The following AKAP9 variants were observed in gnomAD, a reference collection of about 807,000 sequenced individuals.
The protein encoded by AKAP9 is A-kinase anchor protein 9.
In AKAP9, 311 loss-of-function variants were observed where a neutral mutation model predicts 488.5. The ratio of observed to expected loss-of-function variants is 0.64; its 90% CI spans 0.58 to 0.70. The LOEUF is 0.70. Ranked by LOEUF, AKAP9 falls within the 30% of genes least tolerant of loss-of-function variation. AKAP9 has a pLI of 0.00. For missense variants in AKAP9, 4,215 were observed against 4,374.5 expected, an observed-to-expected ratio of 0.96 and a Z score of 1.03; for synonymous variants, 1,462 against 1,483.5, an observed-to-expected ratio of 0.99 and a Z score of 0.33.
chr7:91,970,738 T>G (rs1427820715), intron 1 of AKAP9, among the ~76,000 whole-genome samples: 2 of 152,226 alleles, frequency 1.3e-5, no homozygotes, highest in African/African-American at 4.8e-5. Flanking sequence ...AGCTCTTTTA[T>G]ACATTGTTTG....
intron 1 of AKAP9, among the ~76,000 whole-genome samples, chr7:91,952,422 T>G (rs909613857): frequency 2.6e-4 from 40 of 152,242 alleles, no homozygotes; most frequent in African/African-American, 9.6e-4. Flanking sequence ...ACACAATGGG[T>G]AATATAATTC....
At chr7:92,031,950 G>A (rs1214187817) in intron 16 of AKAP9, among the ~76,000 whole-genome samples, 3 of 152,192 alleles carry the variant, frequency 2.0e-5, no homozygotes, top group African/African-American at 4.8e-5. Flanking sequence ...TATATTATCT[G>A]TATCTATTTC....
intron 12 of AKAP9, among the ~76,000 whole-genome samples, chr7:92,019,662 A>G (rs996828670): frequency 1.3e-5 from 2 of 150,734 alleles, no homozygotes; most frequent in African/African-American, 2.4e-5. Context: ...TAATATATAC[A>G]TATGCATATA....
intron 1 of AKAP9, among the ~76,000 whole-genome samples, chr7:91,951,124 G>A (rs897086961): frequency 1.3e-5 from 2 of 151,712 alleles, no homozygotes; most frequent in African/African-American, 4.8e-5. Flanking sequence ...TGAGAAGAAT[G>A]CGTAATTTTT....
chr7:92,072,062 GAGTAA>G (rs1416149991), intron 28 of AKAP9, among the ~76,000 whole-genome samples: 1 of 152,124 alleles, frequency 6.6e-6, no homozygotes, highest in African/African-American at 2.4e-5. Context: ...CCCTTAAACT[GAGTAA>G]AGTAATTTAT....
At chr7:92,095,347 G>A (rs1816382753) in intron 40 of AKAP9, among the ~76,000 whole-genome samples, 174 bp downstream of exon 40, 2 of 152,198 alleles carry the variant, frequency 1.3e-5, no homozygotes, top group Admixed American at 1.3e-4. Flanking sequence ...TAATGGAGTG[G>A]TGATTGGTTT....
Position 92,038,545 on chromosome 7 carries a change from A to G in AKAP9, c.4465A>G (p.Asn1489Asp), listed in dbSNP as rs1404750488. Residue 1489 changes from asparagine to aspartate, a missense_variant, in exon 17 of 50, where the codon AAT (asparagine) becomes GAT (aspartate). This residue lies in a region of AKAP9 where 2,361 missense variants were observed against 2,430.0 expected (regional missense o/e 0.97). Transcript: ENST00000356239. ...AVCQQEQHYF[N>D]EMKLSQDQIG... ...GTGTCAGCAAGAACAACATTATTTT[A>G]ATGAAATGAAATTATCACAGGATCA... 5 of 1,613,898 alleles carry G rather than the reference A, an allele frequency of 3.1e-6. No individual in the cohort carries two copies. The South Asian group carries it at 5.5e-5, about 18-fold the overall frequency.
intron 12 of AKAP9, among the ~76,000 whole-genome samples, 188 bp downstream of exon 12, chr7:92,017,290 A>G (rs1335027476): frequency 1.3e-5 from 2 of 152,138 alleles, no homozygotes; most frequent in Admixed American, 6.6e-5. Context: ...AAGTCGAATA[A>G]TAACCCCTTT....
rs771355305 is a variant in AKAP9, at chr7:92,012,636, G to A, written c.3526G>A (p.Glu1176Lys). Residue 1176 changes from glutamate (E) to lysine (K), a missense_variant, in exon 9 of 50, where the codon GAA becomes AAA. Physicochemically the swap from Glu to Lys is moderately conservative, Grantham distance 56. Coordinates refer to ENST00000356239, the MANE Select transcript of AKAP9 (RefSeq NM_005751.5). ...AGAACTACAGACTATGAAAACACAA[G>A]AAACAGGTAAAATGGTTTCTGACTT... ...QLELQTMKTQETGDEGKPLHL... is the reference protein window; with the variant it reads ...QLELQTMKTQKTGDEGKPLHL... The A allele has an allele frequency of 6.2e-7, 1 of 1,606,192 alleles. No individual in the cohort carries two copies.
intron 7 of AKAP9, among the ~76,000 whole-genome samples, chr7:91,999,027 A>C (rs1272026115): frequency 2.6e-5 from 4 of 152,132 alleles, no homozygotes; most frequent in Non-Finnish European, 5.9e-5. Context: ...ATTGGGTGGG[A>C]TATGTGATAC....
chr7:92,083,028 G>A (rs893778399), intron 32 of AKAP9, 142 bp from the exon 33 acceptor site: 21 of 921,414 alleles, frequency 2.3e-5, no homozygotes, highest in East Asian at 1.0e-4. Context: ...AACTGTGAGC[G>A]TTTCTGAAAT....
chr7:92,012,594 C>T lies in AKAP9; in HGVS notation c.3484C>T (p.Gln1162Ter), dbSNP rs747726035. ...FAQEEKIKEL[Q>*]KIHQLELQTM... Reference sequence around the variant, plus strand: ...TCAAGAGGAAAAGATCAAGGAACTTCAGAAAATACACCAGTTAGAACTACA... The same window carrying T: ...TCAAGAGGAAAAGATCAAGGAACTTTAGAAAATACACCAGTTAGAACTACA... Residue 1162 changes from glutamine to a stop codon, truncating the protein, a stop_gained, in exon 9 of 50, where the codon CAG becomes TAG. Coordinates refer to ENST00000356239, the MANE Select transcript of AKAP9 (RefSeq NM_005751.5). LOFTEE classifies it high-confidence loss of function. The T allele has an allele frequency of 6.2e-7, 1 of 1,613,520 alleles. No homozygotes were observed. Among genetic ancestry groups the T allele is most frequent in the Non-Finnish European group, 8.5e-7 (1 of 1,179,704 alleles).
At chr7:91,960,679 C>T (rs768948745) in intron 1 of AKAP9, among the ~76,000 whole-genome samples, 1 of 152,162 alleles carries the variant, frequency 6.6e-6, no homozygotes, top group East Asian at 1.9e-4. Context: ...GTTTTTCCCA[C>T]CTGTATTACA....
intron 46 of AKAP9, among the ~76,000 whole-genome samples, chr7:92,105,067 T>A (rs1818307478): frequency 6.6e-6 from 1 of 152,144 alleles, no homozygotes; most frequent in Non-Finnish European, 1.5e-5. Context: ...TTGACCCTCC[T>A]AAGATGGAGC....
intron 49 of AKAP9, among the ~76,000 whole-genome samples, chr7:92,109,745 G>A (rs1207577391): frequency 2.6e-5 from 4 of 152,164 alleles, no homozygotes; most frequent in African/African-American, 9.7e-5. Flanking sequence ...AGACCAACCA[G>A]TTCGAGACTA....
intron 17 of AKAP9, 28 bp from the exon 18 acceptor site, chr7:92,040,644 TTG>T (rs1563032348): frequency 4.1e-5 from 56 of 1,373,568 alleles, no homozygotes; most frequent in East Asian, 5.0e-5. Flanking sequence ...TATGGTTGAA[TTG>T]TTTTTTTTTT....
intron 16 of AKAP9, among the ~76,000 whole-genome samples, chr7:92,037,641 G>T (rs1805410539): frequency 6.6e-6 from 1 of 152,178 alleles, no homozygotes; most frequent in African/African-American, 2.4e-5. Flanking sequence ...GCTAGAATAA[G>T]CAGGGATTCA....
Position 92,086,416 on chromosome 7 carries a change from G to T in AKAP9, c.9213G>T (p.Gln3071His). 6.2e-7 allele frequency: 1 copy of T among 1,610,384 alleles called. No individual in the cohort carries two copies. The change falls in exon 37 of 50, where the codon CAG becomes CAT. Residue 3071 changes from glutamine (Q) to histidine (H), a missense_variant and splice_region_variant. Physicochemically the swap from Gln to His is conservative, Grantham distance 24. Transcript: ENST00000356239. Reference protein sequence around the residue: ...LNCLEQRIQEQGVEYQAAMEC... With the variant: ...LNCLEQRIQEHGVEYQAAMEC... Reference sequence around the variant, plus strand: ...GTTTGGAACAGAGAATACAAGAACAGGTATAATGAAACTTCATTTTAAAAA... The same window carrying T: ...GTTTGGAACAGAGAATACAAGAACATGTATAATGAAACTTCATTTTAAAAA...
chr7:92,002,881 A>G lies in AKAP9; in HGVS notation c.2964A>G (p.Glu988=), dbSNP rs886062470. Reference sequence around the variant, plus strand: ...TTAAATCTTTAAAGCAAGAGAAAGAACAAGTTTCATTGAGATGTAGAGAGC... The same window carrying G: ...TTAAATCTTTAAAGCAAGAGAAAGAGCAAGTTTCATTGAGATGTAGAGAGC... The part of the protein sequence containing the change: ...EEVKSLKQEK[E]QVSLRCRELE... The change falls in exon 8 of 50, where the codon GAA becomes GAG. Residue 988 remains glutamate (E), a synonymous_variant. Coordinates refer to ENST00000356239, the MANE Select transcript of AKAP9 (RefSeq NM_005751.5). The G allele has an allele frequency of 1.9e-6, 3 of 1,612,842 alleles. No homozygotes were observed. Among genetic ancestry groups the G allele is most frequent in the Non-Finnish European group, 1.7e-6 (2 of 1,179,414 alleles).
Sources: allele counts gnomAD v4.1 joint callset (sites outside exome capture counted in the v4.1 genomes callset), GRCh38; gene constraint gnomAD v4.1.1; regional missense constraint gnomAD v4.1.1; transcripts MANE v1.5; gene names NCBI Gene and HGNC (gene_info 2026-07-23, HGNC 2026-07-21).